SORCS2: variants seen among roughly 807,000 people sequenced by gnomAD.
The protein encoded by SORCS2 is sortilin related VPS10 domain containing receptor 2.
SORCS2 carries 100 observed loss-of-function variants against 141.6 expected under a neutral mutation model. The observed-to-expected ratio is 0.71, with a 90% CI of 0.60 to 0.83. SORCS2 has a LOEUF of 0.83. Among genes scored for constraint, SORCS2 ranks in the 40% least tolerant of loss-of-function variants. SORCS2 has a pLI of 0.00. For missense variants in SORCS2, 1,646 were observed against 1,560.2 expected (o/e 1.05, Z -0.93); for synonymous variants, 789 against 676.9 (o/e 1.17, Z -2.57).
chr4:7,578,652 C>T (rs11933590), intron 3 of SORCS2, among the ~76,000 whole-genome samples: 8,175 of 152,248 alleles, frequency 0.054, 273 homozygotes, highest in East Asian at 0.12. Flanking sequence ...TGAGTGCCTG[C>T]GCAGCTGGGG....
At chr4:7,554,655 T>C (rs559227238) in intron 3 of SORCS2, among the ~76,000 whole-genome samples, 71 of 152,280 alleles carry the variant, frequency 4.7e-4, no homozygotes, top group Non-Finnish European at 9.4e-4. Context: ...CAGGGCATCT[T>C]TGATGCCTGT....
At chr4:7,590,663 C>T (rs1014916395) in intron 3 of SORCS2, among the ~76,000 whole-genome samples, 1 of 152,222 alleles carries the variant, frequency 6.6e-6, no homozygotes, top group Non-Finnish European at 1.5e-5. Context: ...GTCACAACGG[C>T]TAATAGGGAA....
chr4:7,279,339 G>A (rs1021119911), intron 1 of SORCS2, among the ~76,000 whole-genome samples: 16 of 152,224 alleles, frequency 1.1e-4, no homozygotes, highest in Admixed American at 2.0e-4. Context: ...GGCAAAATGT[G>A]TCTGTGAGCT....
chr4:7,411,714 G>A (rs1725321527), intron 2 of SORCS2, among the ~76,000 whole-genome samples: 1 of 152,144 alleles, frequency 6.6e-6, no homozygotes, highest in South Asian at 2.1e-4. Context: ...AGTTTAGTAG[G>A]GGTACAGACA....
chr4:7,248,034 C>T (rs1415935321), intron 1 of SORCS2, among the ~76,000 whole-genome samples: 1 of 152,192 alleles, frequency 6.6e-6, no homozygotes, highest in Non-Finnish European at 1.5e-5. Context: ...GGGTGTCTTC[C>T]CCACCTGAGA....
chr4:7,577,739 G>T (rs1338504269), intron 3 of SORCS2, among the ~76,000 whole-genome samples: 1 of 149,572 alleles, frequency 6.7e-6, no homozygotes, highest in Non-Finnish European at 1.5e-5. Flanking sequence ...GTCAGCTAGT[G>T]CCATGGTTTG....
chr4:7,367,143 T>C (rs113167684), intron 1 of SORCS2, among the ~76,000 whole-genome samples: 1 of 152,320 alleles, frequency 6.6e-6, no homozygotes, highest in African/African-American at 2.4e-5. Context: ...ATTATCACCT[T>C]GGCTGCATTA....
intron 1 of SORCS2, among the ~76,000 whole-genome samples, chr4:7,373,364 C>G (rs889770392): frequency 1.3e-5 from 2 of 149,146 alleles, no homozygotes; most frequent in African/African-American, 5.0e-5. Flanking sequence ...TTATTTGCCA[C>G]CCATCTGTTT....
At chr4:7,512,994 A>G (rs1577680274) in intron 2 of SORCS2, among the ~76,000 whole-genome samples, 1 of 152,088 alleles carries the variant, frequency 6.6e-6, no homozygotes, top group East Asian at 1.9e-4. Context: ...AAAAGCCCAC[A>G]TCATTGTTCC....
intron 3 of SORCS2, among the ~76,000 whole-genome samples, chr4:7,562,224 T>A (rs541298469): frequency 5.1e-4 from 78 of 152,270 alleles, no homozygotes; most frequent in Non-Finnish European, 9.3e-4. Context: ...TCTGAAGTAG[T>A]GTCACAATGT....
At chr4:7,231,635 G>A (rs975534008) in intron 1 of SORCS2, among the ~76,000 whole-genome samples, 3 of 152,204 alleles carry the variant, frequency 2.0e-5, no homozygotes, top group African/African-American at 4.8e-5. Flanking sequence ...CCAGATGAAC[G>A]GGGCAGCCTA....
intron 1 of SORCS2, among the ~76,000 whole-genome samples, chr4:7,194,404 T>C (rs1727046201): frequency 6.6e-6 from 1 of 152,048 alleles, no homozygotes; most frequent in Non-Finnish European, 1.5e-5. Context: ...GGAGGAGGGA[T>C]GAGGTGGGCA....
intron 25 of SORCS2, among the ~76,000 whole-genome samples, chr4:7,736,734 G>A (rs1216468196): frequency 1.3e-5 from 2 of 152,136 alleles, no homozygotes; most frequent in Non-Finnish European, 2.9e-5. Context: ...CAGGCATGGG[G>A]GGTCGGGGGA....
intron 1 of SORCS2, among the ~76,000 whole-genome samples, chr4:7,223,659 C>T (rs1247761878): frequency 6.6e-6 from 1 of 152,142 alleles, no homozygotes; most frequent in Non-Finnish European, 1.5e-5. Context: ...CACCAAGACT[C>T]CCCAGAATCA....
intron 1 of SORCS2, among the ~76,000 whole-genome samples, chr4:7,254,330 A>C (rs1405518726): frequency 6.6e-6 from 1 of 152,236 alleles, no homozygotes; most frequent in Non-Finnish European, 1.5e-5. Flanking sequence ...ATGGAATACT[A>C]TTCTGCCATA....
intron 1 of SORCS2, among the ~76,000 whole-genome samples, chr4:7,386,644 GAT>G (rs2109083636): frequency 6.8e-6 from 1 of 147,172 alleles, no homozygotes; most frequent in East Asian, 2.0e-4. Context: ...TGCACACACA[GAT>G]ACACAGAAAT....
At chr4:7,488,458 G>T (rs1422870673) in intron 2 of SORCS2, among the ~76,000 whole-genome samples, 1 of 152,216 alleles carries the variant, frequency 6.6e-6, no homozygotes, top group Admixed American at 6.5e-5. Flanking sequence ...CCTGGCTACT[G>T]CATGTGGTGC....
At chr4:7,417,244 A>T (rs1042908092) in intron 2 of SORCS2, among the ~76,000 whole-genome samples, 13 of 152,120 alleles carry the variant, frequency 8.5e-5, no homozygotes, top group Admixed American at 4.6e-4. Flanking sequence ...TTGTCCAGGG[A>T]TGATGCTCTT....
chr4:7,373,058 T>C (rs553625680), intron 1 of SORCS2, among the ~76,000 whole-genome samples: 1 of 151,442 alleles, frequency 6.6e-6, no homozygotes, highest in Non-Finnish European at 1.5e-5. Flanking sequence ...AATGTTTGTG[T>C]GCAGGTCTTG....
Sources: gnomAD v4.1 joint callset for allele counts (sites outside exome capture counted in the v4.1 genomes callset) on GRCh38, gnomAD v4.1.1 for gene constraint, MANE v1.5 for transcripts, NCBI Gene and HGNC (gene_info 2026-07-23, HGNC 2026-07-21) for gene names.